PCCA: variants seen among roughly 807,000 people sequenced by gnomAD.
The protein encoded by PCCA is propionyl-CoA carboxylase subunit alpha.
Under a neutral mutation model 101.3 loss-of-function variants are expected in PCCA, and 74 were observed. That is an observed-to-expected ratio of 0.73 (90% confidence interval 0.61 to 0.89). PCCA has a LOEUF of 0.89. PCCA is among the 40% of genes least tolerant of loss of function. The pLI, the probability that PCCA is intolerant of heterozygous loss-of-function variation, is 0.00. For missense variants in PCCA, 891 were observed against 907.0 expected, an observed-to-expected ratio of 0.98 and a Z score of 0.23; for synonymous variants, 294 against 313.6, an observed-to-expected ratio of 0.94 and a Z score of 0.66.
intron 6 of PCCA, among the ~76,000 whole-genome samples, chr13:100,171,045 A>G (rs1203598607): frequency 1.3e-5 from 2 of 152,180 alleles, no homozygotes; most frequent in African/African-American, 4.8e-5. Flanking sequence ...AGAGTTTTCC[A>G]TGTAACAGTA....
chr13:100,245,440 T>C lies in PCCA; in HGVS notation c.637+9562T>C, dbSNP rs376578829. 6.6e-5 allele frequency among the ~76,000 whole-genome samples: 10 copies of C among 152,322 alleles called. No individual in the cohort carries two copies. The East Asian group carries it at 1.9e-3, about 29-fold the overall frequency. ...GACTATACCACATTTTTACAGCCCC[T>C]CTCCTGTCACTTTAAACAACACAGA... On this transcript the variant is annotated intron_variant, in intron 8 of 23. Coordinates refer to ENST00000376285, the MANE Select transcript of PCCA (RefSeq NM_000282.4).
chr13:100,444,233 G>C (rs528588664), intron 20 of PCCA, among the ~76,000 whole-genome samples: 2 of 142,872 alleles, frequency 1.4e-5, no homozygotes, highest in Admixed American at 1.4e-4. Context: ...ACGGTGTCTC[G>C]CTCTGTCTCC....
At chr13:100,166,455 T>C (rs1447182315) in intron 6 of PCCA, among the ~76,000 whole-genome samples, 1 of 152,116 alleles carries the variant, frequency 6.6e-6, no homozygotes, top group African/African-American at 2.4e-5. Context: ...TGCACCACCA[T>C]GCCCAGCTAA....
chr13:100,265,598 C>T (rs544426078), intron 10 of PCCA, among the ~76,000 whole-genome samples: 2 of 152,310 alleles, frequency 1.3e-5, no homozygotes, highest in Admixed American at 1.3e-4. Flanking sequence ...CCACCTCTAC[C>T]TCCACTCCCA....
intron 14 of PCCA, among the ~76,000 whole-genome samples, chr13:100,303,526 T>C (rs2066224550): frequency 6.6e-6 from 1 of 152,094 alleles, no homozygotes; most frequent in African/African-American, 2.4e-5. Context: ...ATTCCATAGC[T>C]CTTCTGTATT....
At chr13:100,441,979 T>C (rs1411291133) in intron 20 of PCCA, among the ~76,000 whole-genome samples, 2 of 142,562 alleles carry the variant, frequency 1.4e-5, no homozygotes, top group East Asian at 4.7e-4. Context: ...TCTTTTCTTT[T>C]TCCTTTTTTC....
intron 22 of PCCA, among the ~76,000 whole-genome samples, chr13:100,525,089 C>T (rs1209645061): frequency 6.6e-6 from 1 of 151,824 alleles, no homozygotes; most frequent in Non-Finnish European, 1.5e-5. Flanking sequence ...TAGTAGACAC[C>T]ACGAGAGGAA....
At chr13:100,204,766 G>A (rs1332076892) in intron 6 of PCCA, among the ~76,000 whole-genome samples, 1 of 152,112 alleles carries the variant, frequency 6.6e-6, no homozygotes, top group African/African-American at 2.4e-5. Flanking sequence ...GAATTTTGGA[G>A]CAGTGATTTC....
rs1211032364 is a variant in PCCA at position 100,340,136 on chromosome 13, T to G, written c.1541-21T>G. The G allele has an allele frequency of 6.0e-6, 7 of 1,170,746 alleles. No individual in the cohort carries two copies. In the African/African-American group the frequency reaches 9.0e-5, roughly 15 times the overall value. 72.5% of individuals were successfully genotyped at this position (1,170,746 alleles called of 1,614,324 possible). Reference sequence around the variant, plus strand: ...TAAAATAAATGATTGATTGATTGATTGGTTGATTGATTTCCCTCAGGACAC... The same window carrying G: ...TAAAATAAATGATTGATTGATTGATGGGTTGATTGATTTCCCTCAGGACAC... On this transcript the variant is annotated intron_variant, in intron 17 of 23. Transcript: ENST00000376285.
intron 19 of PCCA, among the ~76,000 whole-genome samples, chr13:100,381,437 C>A (rs559149115): frequency 6.6e-6 from 1 of 151,686 alleles, no homozygotes; most frequent in Admixed American, 6.6e-5. Flanking sequence ...AAATTGAAAC[C>A]TTCAAATGCT....
At chr13:100,128,470 A>G (rs570188240) in intron 4 of PCCA, among the ~76,000 whole-genome samples, 1 of 152,324 alleles carries the variant, frequency 6.6e-6, no homozygotes, top group South Asian at 2.1e-4. Flanking sequence ...AAGTGTTATG[A>G]GGGAAACAAG....
At chr13:100,362,030 T>G (rs2074662897) in intron 18 of PCCA, among the ~76,000 whole-genome samples, 1 of 152,214 alleles carries the variant, frequency 6.6e-6, no homozygotes, top group Non-Finnish European at 1.5e-5. Flanking sequence ...GAACTTATTT[T>G]GGTGTGTTGG....
chr13:100,419,438 CTCTAGCCTGGGCA>C (rs1374187116), intron 19 of PCCA, among the ~76,000 whole-genome samples: 1 of 150,430 alleles, frequency 6.6e-6, no homozygotes, highest in Non-Finnish European at 1.5e-5. Flanking sequence ...TACCACTGTA[CTCTAGCCTGGGCA>C]ACAGAGCGAG....
At chr13:100,363,448 C>G (rs2074855097) in intron 18 of PCCA, among the ~76,000 whole-genome samples, 1 of 152,056 alleles carries the variant, frequency 6.6e-6, no homozygotes, top group Admixed American at 6.6e-5. Context: ...CTGTCTACCC[C>G]CACTGAATAC....
chr13:100,348,907 TTCC>T (rs2072874401), intron 18 of PCCA, among the ~76,000 whole-genome samples: 1 of 52,290 alleles, frequency 1.9e-5, no homozygotes, highest in African/African-American at 5.0e-5. Flanking sequence ...CCTTCCTTCC[TTCC>T]TTTCTTTTCT....
chr13:100,203,535 T>C (rs1259527190), intron 6 of PCCA, among the ~76,000 whole-genome samples: 3 of 151,328 alleles, frequency 2.0e-5, no homozygotes, highest in Middle Eastern at 3.5e-3. Flanking sequence ...ACTAAAAATA[T>C]AAAACCATAT....
At chr13:100,095,972 T>C (rs1412169292) in intron 1 of PCCA, among the ~76,000 whole-genome samples, 1 of 152,108 alleles carries the variant, frequency 6.6e-6, no homozygotes, top group Non-Finnish European at 1.5e-5. Flanking sequence ...AGGAAGCTGT[T>C]GTAGAAGACC....
At chr13:100,301,413 A>G (rs781272824) in intron 12 of PCCA, 47 bp from the exon 13 acceptor site, 1 of 1,608,312 alleles carries the variant, frequency 6.2e-7, no homozygotes, top group South Asian at 1.1e-5. Context: ...GTTTCTATTT[A>G]TTTACCCTTT....
chr13:100,410,743 T>C (rs2484360), intron 19 of PCCA, among the ~76,000 whole-genome samples: 34,725 of 152,034 alleles, frequency 0.23, 6,604 homozygotes, highest in African/African-American at 0.52. Context: ...CCATGTCCAC[T>C]GACAACCTAG....
Sources: gnomAD v4.1 joint callset for allele counts (sites outside exome capture counted in the v4.1 genomes callset) on GRCh38, gnomAD v4.1.1 for gene constraint, MANE v1.5 for transcripts, NCBI Gene and HGNC (gene_info 2026-07-23, HGNC 2026-07-21) for gene names.